Variants in LRMDA observed in about 807,000 individuals in gnomAD.
LRMDA encodes the protein leucine-rich melanocyte differentiation-associated protein.
LRMDA carries 18 observed loss-of-function variants against 29.8 expected under a neutral mutation model. That is an observed-to-expected ratio of 0.60 (90% CI 0.42 to 0.90). The LOEUF (loss-of-function observed/expected upper bound fraction) is 0.90, where lower values mean the gene tolerates loss of function less well. LRMDA is among the 40% of genes least tolerant of loss of function. The pLI, the probability that LRMDA is intolerant of heterozygous loss-of-function variation, is 0.00. For synonymous variants in LRMDA, 125 were observed against 109.4 expected (o/e 1.14, Z -0.89); for missense variants, 273 against 273.9 (o/e 1.00, Z 0.02).
At chr10:75,688,805 A>G (rs1362724968) in intron 2 of LRMDA, among the ~76,000 whole-genome samples, 1 of 152,224 alleles carries the variant, frequency 6.6e-6, no homozygotes, top group Non-Finnish European at 1.5e-5. Flanking sequence ...AGCAGCCAAC[A>G]TCCTGATCAG....
chr10:76,017,999 A>G (rs1370326045), intron 2 of LRMDA, among the ~76,000 whole-genome samples: 2 of 152,174 alleles, frequency 1.3e-5, no homozygotes, highest in African/African-American at 2.4e-5. Context: ...CCTCGTGAAG[A>G]CTGACATCTG....
intron 2 of LRMDA, among the ~76,000 whole-genome samples, chr10:75,664,371 G>C (rs1841794385): frequency 6.6e-6 from 1 of 152,236 alleles, no homozygotes; most frequent in Non-Finnish European, 1.5e-5. Context: ...AGTTCTGCAA[G>C]AATTTATATT....
intron 5 of LRMDA, among the ~76,000 whole-genome samples, chr10:76,141,477 T>A (rs1850199303): frequency 6.6e-6 from 1 of 152,168 alleles, no homozygotes; most frequent in Admixed American, 6.5e-5. Context: ...ACATACTGAT[T>A]GTTATAGAAC....
intron 6 of LRMDA, among the ~76,000 whole-genome samples, chr10:76,463,744 A>G (rs1213561825): frequency 6.6e-6 from 1 of 151,954 alleles, no homozygotes. Context: ...TTCTCTTCAT[A>G]GCCTTGGTCA....
chr10:76,402,715 C>G (rs1841862165), intron 6 of LRMDA, among the ~76,000 whole-genome samples: 1 of 152,126 alleles, frequency 6.6e-6, no homozygotes, highest in Non-Finnish European at 1.5e-5. Context: ...TGCCTCTGGG[C>G]TTGTCTAGGT....
At chr10:76,380,837 A>C (rs968976810) in intron 6 of LRMDA, among the ~76,000 whole-genome samples, 1 of 151,896 alleles carries the variant, frequency 6.6e-6, no homozygotes, top group Admixed American at 6.6e-5. Context: ...TCCTACTATT[A>C]ATTAATGTTA....
chr10:75,965,531 A>G (rs1158332083), intron 2 of LRMDA, among the ~76,000 whole-genome samples: 1 of 152,164 alleles, frequency 6.6e-6, no homozygotes, highest in Admixed American at 6.5e-5. Context: ...TGGCATCCCA[A>G]TTCCATGAGT....
chr10:75,838,375 C>A (rs900762673), intron 2 of LRMDA, among the ~76,000 whole-genome samples: 1 of 152,168 alleles, frequency 6.6e-6, no homozygotes, highest in Non-Finnish European at 1.5e-5. Context: ...ATATAGGGAA[C>A]ATTTTTTTTC....
intron 5 of LRMDA, among the ~76,000 whole-genome samples, chr10:76,227,518 G>T (rs1851982098): frequency 6.6e-6 from 1 of 152,188 alleles, no homozygotes; most frequent in South Asian, 2.1e-4. Context: ...GTAGAATGCA[G>T]AGGTTGTGGA....
At chr10:76,217,685 G>A (rs75207874) in intron 5 of LRMDA, among the ~76,000 whole-genome samples, 1 of 152,188 alleles carries the variant, frequency 6.6e-6, no homozygotes, top group Non-Finnish European at 1.5e-5. Context: ...AGGGATATGG[G>A]TAAGGTTGGA....
intron 2 of LRMDA, among the ~76,000 whole-genome samples, chr10:75,846,344 C>A (rs868246306): frequency 2.0e-5 from 3 of 152,026 alleles, no homozygotes; most frequent in Non-Finnish European, 2.9e-5. Flanking sequence ...AAATAATGAA[C>A]AAGTCTCAAA....
At chr10:76,471,754 A>G (rs776831874) in intron 6 of LRMDA, among the ~76,000 whole-genome samples, 2 of 151,876 alleles carry the variant, frequency 1.3e-5, no homozygotes, top group Non-Finnish European at 1.5e-5. Context: ...CAACAACAAT[A>G]AGAAAATTGG....
At chr10:75,751,085 G>A (rs561434530) in intron 2 of LRMDA, among the ~76,000 whole-genome samples, 1 of 152,334 alleles carries the variant, frequency 6.6e-6, no homozygotes, top group South Asian at 2.1e-4. Context: ...AGTCTGAGGC[G>A]GGCAGATCAC....
intron 6 of LRMDA, among the ~76,000 whole-genome samples, chr10:76,551,056 C>T (rs1484874825): frequency 1.3e-5 from 2 of 152,200 alleles, no homozygotes; most frequent in African/African-American, 4.8e-5. Flanking sequence ...TCACGGCCTG[C>T]ACTTAACAAA....
At chr10:76,439,812 C>T (rs1842282449) in intron 6 of LRMDA, among the ~76,000 whole-genome samples, 1 of 152,130 alleles carries the variant, frequency 6.6e-6, no homozygotes, top group African/African-American at 2.4e-5. Flanking sequence ...TTGGGGTTTC[C>T]CTCTAAATAG....
rs565830158 is a variant in LRMDA, at chr10:76,057,016, G to A, written c.399-1650G>A. Among the ~76,000 whole-genome samples the A allele has an allele frequency of 3.3e-5, 5 of 152,296 alleles. No homozygotes were observed. In the East Asian group the frequency reaches 9.7e-4, roughly 30 times the overall value. ...ATAATGAGACCACCTTACGAATGTG[G>A]AAGGTGGCCTTGGGAACCCAAGGCT... On this transcript the variant is annotated intron_variant, in intron 4 of 6. Coordinates refer to ENST00000611255, the MANE Select transcript of LRMDA (RefSeq NM_001305581.2).
At chr10:76,021,125 T>C (rs976350389) in intron 2 of LRMDA, among the ~76,000 whole-genome samples, 1 of 152,236 alleles carries the variant, frequency 6.6e-6, no homozygotes. Context: ...CTGGGACAGT[T>C]GGACAATAGA....
chr10:76,428,356 T>C (rs1265898563), intron 6 of LRMDA, among the ~76,000 whole-genome samples: 1 of 152,164 alleles, frequency 6.6e-6, no homozygotes, highest in African/African-American at 2.4e-5. Flanking sequence ...TGTCCAGACC[T>C]TCATCCTTGA....
intron 2 of LRMDA, chr10:75,642,675 C>A (rs1474341515): frequency 6.6e-6 from 1 of 152,084 alleles, no homozygotes; most frequent in Admixed American, 6.6e-5. Context: ...TTAGTTCCTG[C>A]CTTATTTACT....
Sources: allele counts gnomAD v4.1 joint callset (sites outside exome capture counted in the v4.1 genomes callset), GRCh38; gene constraint gnomAD v4.1.1; transcripts MANE v1.5; gene names NCBI Gene and HGNC (gene_info 2026-07-23, HGNC 2026-07-21).